The following SHOC1 variants were observed in gnomAD, a reference collection of about 807,000 sequenced individuals.
SHOC1 encodes protein shortage in chiasmata 1 ortholog.
A neutral mutation model predicts 179.2 loss-of-function variants in SHOC1; 136 were observed. The observed-to-expected ratio is 0.76, with a 90% CI of 0.66 to 0.87. SHOC1 has a LOEUF of 0.87. Among genes scored for constraint, SHOC1 ranks in the 40% least tolerant of loss-of-function variants. The pLI, the probability that SHOC1 is intolerant of heterozygous loss-of-function variation, is 0.00. For synonymous variants in SHOC1, 489 were observed against 586.6 expected (o/e 0.83, Z 2.41); for missense variants, 1,538 against 1,700.8 (o/e 0.90, Z 1.68).
intron 18 of SHOC1, among the ~76,000 whole-genome samples, chr9:111,708,413 G>A (rs1832382354): frequency 1.3e-5 from 2 of 152,032 alleles, no homozygotes; most frequent in African/African-American, 4.8e-5. Flanking sequence ...ATGTTGGTCA[G>A]GCTGGTCTTA....
Position 111,786,068 on chromosome 9 carries a change from A to G in SHOC1, c.46-33T>C, listed in dbSNP as rs1183253260. The stretch of plus-strand genomic sequence containing the variant: ...AGAAAGAAAGATTAGAAAATCTTTT[A>G]ACATGTACTATTTATCAATATTCAG... On this transcript the variant is annotated intron_variant, in intron 2 of 27. Transcript: ENST00000682961. 8.1e-6 allele frequency: 11 copies of G among 1,364,720 alleles called. No homozygotes were observed. The East Asian group carries it at 3.0e-4, about 37-fold the overall frequency. 84.5% of individuals were successfully genotyped at this position (1,364,720 alleles called of 1,614,324 possible). A position where few individuals can be genotyped will look rare whatever the true frequency, so the allele number is the denominator to read the frequency against.
intron 5 of SHOC1, among the ~76,000 whole-genome samples, chr9:111,767,497 A>C (rs1481624898): frequency 1.3e-5 from 2 of 152,088 alleles, no homozygotes; most frequent in African/African-American, 4.8e-5. Flanking sequence ...GTTAGCTGTA[A>C]ATGACTGGAT....
intron 4 of SHOC1, 96 bp downstream of exon 4, chr9:111,780,834 A>G (rs1174088875): frequency 1.2e-6 from 1 of 811,382 alleles, no homozygotes; most frequent in East Asian, 2.6e-5. Context: ...CCATGAAGAG[A>G]TAAAGGAAGA....
Position 111,722,539 on chromosome 9 carries a change from A to T in SHOC1, c.2001T>A (p.Pro667=), listed in dbSNP as rs562910215. 2.4e-5 allele frequency: 39 copies of T among 1,607,976 alleles called. No homozygotes were observed. In the South Asian group the frequency reaches 3.7e-4, roughly 15 times the overall value. ...AFCLLEAAAS[P]ILKNLVSLCT... ...ACAAGGATACAAGGTTTTTTAAGATAGGAGAAGCTGCTGCTTCGAGGAGGC... is the reference window on the plus strand; with the variant it reads ...ACAAGGATACAAGGTTTTTTAAGATTGGAGAAGCTGCTGCTTCGAGGAGGC... Residue 667 remains proline, a synonymous_variant, in exon 15 of 28, where the codon CCT becomes CCA. Coordinates refer to ENST00000682961, the MANE Select transcript of SHOC1 (RefSeq NM_001378211.1).
In SHOC1 at chr9:111,783,940, T is replaced by A. The variant is rs951306521; in HGVS notation, c.169+1972A>T. Among the ~76,000 whole-genome samples the A allele has an allele frequency of 3.9e-5, 6 of 152,290 alleles. 1 individual carries two copies. Among genetic ancestry groups the A allele is most frequent in the South Asian group, 4.1e-4 (2 of 4,824 alleles). On this transcript the variant is annotated intron_variant, in intron 3 of 27. Coordinates refer to ENST00000682961, the MANE Select transcript of SHOC1 (RefSeq NM_001378211.1). Reference sequence around the variant, plus strand: ...GAAGAACCCCAGAAAGCAGTCCACCTGGGTTTGATGTTCTGAGATCAAAGG... The same window carrying A: ...GAAGAACCCCAGAAAGCAGTCCACCAGGGTTTGATGTTCTGAGATCAAAGG...
At chr9:111,694,118 C>T in intron 25 of SHOC1, 113 bp downstream of exon 25, 2 of 1,184,062 alleles carry the variant, frequency 1.7e-6, no homozygotes, top group East Asian at 4.7e-5. Context: ...TGTTATTGCA[C>T]CTACCACTCA....
chr9:111,700,164 A>T, intron 23 of SHOC1, 117 bp from the exon 24 acceptor site: 1 of 548,338 alleles, frequency 1.8e-6, no homozygotes, highest in Non-Finnish European at 3.0e-6. Flanking sequence ...CTAAGACAAT[A>T]CTAGTGTGGC....
intron 12 of SHOC1, among the ~76,000 whole-genome samples, chr9:111,735,547 G>A (rs573613049): frequency 1.3e-5 from 2 of 152,262 alleles, no homozygotes; most frequent in Admixed American, 6.5e-5. Context: ...AGTATTCCAT[G>A]GTGTATTATG....
chr9:111,744,380 G>C (rs1474362225), intron 10 of SHOC1, among the ~76,000 whole-genome samples: 1 of 152,160 alleles, frequency 6.6e-6, no homozygotes, highest in Non-Finnish European at 1.5e-5. Context: ...CTTAGTTCAT[G>C]ATAGAACTCT....
At chr9:111,724,541 G>T (rs1158436707) in intron 13 of SHOC1, among the ~76,000 whole-genome samples, 1 of 151,692 alleles carries the variant, frequency 6.6e-6, no homozygotes, top group African/African-American at 2.4e-5. Flanking sequence ...TATTATTTTG[G>T]TAGAGATAGG....
At chr9:111,702,847 T>C (rs1589382042) in intron 22 of SHOC1, among the ~76,000 whole-genome samples, 1 of 152,202 alleles carries the variant, frequency 6.6e-6, no homozygotes, top group Non-Finnish European at 1.5e-5. Flanking sequence ...CAGTAGCTCA[T>C]GCCTATAATC....
At chr9:111,724,349 C>CT (rs548967098) in intron 13 of SHOC1, among the ~76,000 whole-genome samples, 387 of 151,444 alleles carry the variant, frequency 2.6e-3, no homozygotes, top group Middle Eastern at 6.8e-3. Context: ...TTTTTCTTTT[C>CT]TTTTTTTTAA....
chr9:111,737,948 G>A (rs1026707522), intron 12 of SHOC1: 25 of 314,990 alleles, frequency 7.9e-5, no homozygotes, highest in African/African-American at 2.4e-4. Context: ...GCTGGTTTGC[G>A]TCTAGGCCAA....
rs751615060 is a variant in SHOC1 at position 111,748,088 on chromosome 9, C to A, written c.970+4G>T. 3.1e-6 allele frequency: 5 copies of A among 1,603,948 alleles called. No homozygotes were observed. In the South Asian group the frequency reaches 5.5e-5, roughly 18 times the overall value. ...TAAGCTCAATGATTTATCAAAATTT[C>A]TACCTGGTTTACTGCACTCTTCTGG... On this transcript the variant is annotated splice_donor_region_variant and intron_variant, in intron 9 of 27. Transcript: ENST00000682961.
At chr9:111,702,262 G>C in intron 22 of SHOC1, 36 bp from the exon 23 acceptor site, 1 of 1,246,594 alleles carries the variant, frequency 8.0e-7, no homozygotes, top group Admixed American at 1.9e-5. Context: ...AAATTCATTA[G>C]GTTGAACAGT....
rs555626791 is a variant in SHOC1, at chr9:111,717,461, C to T, written c.2236+723G>A. 1.1e-3 allele frequency among the ~76,000 whole-genome samples: 174 copies of T among 152,022 alleles called. 1 individual carries two copies. The highest frequency in any genetic ancestry group is 1.9e-3 in the Non-Finnish European group (131 of 67,962). ...ATACAAAATTAGCCAGGCATGGTGG[C>T]GGGCGCCTGTAATTCCAGCTTCCTG... On this transcript the variant is annotated intron_variant, in intron 16 of 27. Transcript: ENST00000682961.
At chr9:111,749,476 T>G (rs1376879230) in intron 8 of SHOC1, among the ~76,000 whole-genome samples, 1 of 152,214 alleles carries the variant, frequency 6.6e-6, no homozygotes, top group Non-Finnish European at 1.5e-5. Flanking sequence ...GCTCAAAGTT[T>G]TTTTTATTTT....
intron 5 of SHOC1, among the ~76,000 whole-genome samples, 154 bp downstream of exon 5, chr9:111,775,637 G>A (rs1835799467): frequency 1.3e-5 from 2 of 152,170 alleles, no homozygotes; most frequent in South Asian, 2.1e-4. Context: ...TAATATGAAT[G>A]AGGAAATACT....
At chr9:111,788,875 C>T (rs1477948711) in intron 2 of SHOC1, among the ~76,000 whole-genome samples, 1 of 151,080 alleles carries the variant, frequency 6.6e-6, no homozygotes, top group Non-Finnish European at 1.5e-5. Context: ...TACTTTCCAA[C>T]TTTATCTTCC....
Sources: allele counts gnomAD v4.1 joint callset (sites outside exome capture counted in the v4.1 genomes callset), GRCh38; gene constraint gnomAD v4.1.1; transcripts MANE v1.5; gene names NCBI Gene and HGNC (gene_info 2026-07-23, HGNC 2026-07-21).